The following ANO6 variants were observed in gnomAD, a reference collection of about 807,000 sequenced individuals.
ANO6 encodes anoctamin-6.
Under a neutral mutation model 117.5 loss-of-function variants are expected in ANO6, and 106 were observed. The ratio of observed to expected loss-of-function variants is 0.90; its 90% CI spans 0.77 to 1.06. ANO6 has a LOEUF of 1.06. Ranked by LOEUF, ANO6 falls within the 50% of genes least tolerant of loss-of-function variation. The pLI, the probability that ANO6 is intolerant of heterozygous loss-of-function variation, is 0.00. For missense variants in ANO6, 955 were observed against 1,121.1 expected, an observed-to-expected ratio of 0.85 and a Z score of 2.12; for synonymous variants, 367 against 385.1, an observed-to-expected ratio of 0.95 and a Z score of 0.55.
chr12:45,290,895 C>T (rs1295276604), intron 1 of ANO6, among the ~76,000 whole-genome samples: 1 of 151,998 alleles, frequency 6.6e-6, no homozygotes, highest in African/African-American at 2.4e-5. Flanking sequence ...AACTTAATGA[C>T]AAAGCTACAG....
intron 1 of ANO6, among the ~76,000 whole-genome samples, chr12:45,222,109 C>T (rs1305840263): frequency 6.6e-6 from 1 of 151,782 alleles, no homozygotes; most frequent in African/African-American, 2.4e-5. Context: ...GTCTCATCTC[C>T]TGACCTCGTG....
At chr12:45,257,376 T>G (rs1464435471) in intron 1 of ANO6, among the ~76,000 whole-genome samples, 1 of 152,092 alleles carries the variant, frequency 6.6e-6, no homozygotes, top group Non-Finnish European at 1.5e-5. Flanking sequence ...GCCACCCCAG[T>G]CTGATGTGCC....
Position 45,409,366 on chromosome 12 carries a change from G to T in ANO6, c.1890G>T (p.Met630Ile). The T allele has an allele frequency of 6.2e-7, 1 of 1,613,954 alleles. No individual in the cohort carries two copies. Among genetic ancestry groups the T allele is most frequent in the Non-Finnish European group, 8.5e-7 (1 of 1,179,902 alleles). The change falls in exon 16 of 20, where the codon ATG becomes ATT. Residue 630 changes from methionine (M) to isoleucine (I), a missense_variant. Transcript: ENST00000320560. ...NIQEVLLPWI[M>I]NLIGRFHRVS... The stretch of plus-strand genomic sequence containing the variant: ...TTGTTCTTTTTGGCAGCTGGATCAT[G>T]AATCTAATTGGGCGATTTCACAGAG...
chr12:45,384,843 G>A (rs1942255605), intron 10 of ANO6, among the ~76,000 whole-genome samples: 1 of 152,164 alleles, frequency 6.6e-6, no homozygotes, highest in African/African-American at 2.4e-5. Context: ...GGCTCAACGT[G>A]GGGTTGCCAC....
At chr12:45,347,963 C>T (rs1941181403) in intron 4 of ANO6, 65 bp from the exon 5 acceptor site, 1 of 1,495,440 alleles carries the variant, frequency 6.7e-7, no homozygotes. Context: ...TAAGAAAAAT[C>T]TATGTGTTTT....
chr12:45,388,064 A>T (rs1424866551), intron 10 of ANO6, 97 bp from the exon 11 acceptor site: 1 of 1,500,898 alleles, frequency 6.7e-7, no homozygotes, highest in East Asian at 2.3e-5. Flanking sequence ...GTGTGAAAAC[A>T]GGCCAGTACA....
chr12:45,359,866 G>T (rs1351468652), intron 8 of ANO6, among the ~76,000 whole-genome samples: 1 of 152,186 alleles, frequency 6.6e-6, no homozygotes, highest in Non-Finnish European at 1.5e-5. Context: ...AACTGTCATA[G>T]TATTTTCCAA....
At chr12:45,228,869 C>A (rs1483660698) in intron 1 of ANO6, among the ~76,000 whole-genome samples, 1 of 152,068 alleles carries the variant, frequency 6.6e-6, no homozygotes, top group Non-Finnish European at 1.5e-5. Context: ...TAAGAATCTT[C>A]TAAAATTGGA....
intron 1 of ANO6, among the ~76,000 whole-genome samples, chr12:45,263,642 C>T (rs867504334): frequency 2.0e-5 from 3 of 152,110 alleles, no homozygotes; most frequent in African/African-American, 7.2e-5. Context: ...GTGTGTACAA[C>T]TTGCCTCTGG....
At chr12:45,364,809 C>T (rs1048741596) in intron 8 of ANO6, among the ~76,000 whole-genome samples, 1 of 152,140 alleles carries the variant, frequency 6.6e-6, no homozygotes, top group Admixed American at 6.5e-5. Flanking sequence ...GCTTTTTCCT[C>T]TCTGTGTTAG....
intron 19 of ANO6, 150 bp from the exon 20 acceptor site, chr12:45,428,955 T>C (rs1047161683): frequency 3.8e-5 from 33 of 859,778 alleles, no homozygotes; most frequent in Non-Finnish European, 6.1e-5. Flanking sequence ...CACTGTTGAT[T>C]AGACACAATG....
intron 2 of ANO6, among the ~76,000 whole-genome samples, chr12:45,330,675 T>C (rs559226707): frequency 6.6e-6 from 1 of 152,256 alleles, no homozygotes; most frequent in East Asian, 1.9e-4. Flanking sequence ...GCTGGTTCTT[T>C]TGGTTTTTTA....
rs749999125 is a variant in ANO6 at position 45,302,043 on chromosome 12, C to A, written c.100C>A (p.Pro34Thr). 6.2e-7 allele frequency: 1 copy of A among 1,613,854 alleles called. No individual in the cohort carries two copies. The highest frequency in any genetic ancestry group is 2.2e-5 in the East Asian group (1 of 44,864). ...GGAAAACCTTGGACAGACAATTGTC[C>A]CCGATTTGGGATCACTGGAAAGTCA... ...VLENLGQTIV[P>T]DLGSLESQHD... Residue 34 changes from proline (P) to threonine (T), a missense_variant, in exon 2 of 20, where the codon CCC becomes ACC. Coordinates refer to ENST00000320560, the MANE Select transcript of ANO6 (RefSeq NM_001025356.3).
chr12:45,421,417 C>T, intron 18 of ANO6, 144 bp downstream of exon 18: 1 of 867,460 alleles, frequency 1.2e-6, no homozygotes, highest in South Asian at 1.5e-5. Context: ...TCATTTAAAT[C>T]AAGCTGCTAG....
Position 45,216,203 on chromosome 12 carries a change from T to G in ANO6, c.-119T>G. The stretch of plus-strand genomic sequence containing the variant: ...GGCGCTGGCTGGGCTCAGCGGCCCC[T>G]GAGCCCAAGCGACACACGCCCCGCG... On this transcript the variant is annotated 5_prime_UTR_variant, in exon 1 of 20. Transcript: ENST00000320560. 1 of 1,198,640 alleles carries G rather than the reference T, an allele frequency of 8.3e-7. No individual in the cohort carries two copies. 74.3% of individuals were successfully genotyped at this position (1,198,640 alleles called of 1,614,324 possible). A position where few individuals can be genotyped will look rare whatever the true frequency, so the allele number is the denominator to read the frequency against.
chr12:45,339,734 A>G (rs1940926951), intron 3 of ANO6, among the ~76,000 whole-genome samples: 1 of 152,112 alleles, frequency 6.6e-6, no homozygotes, highest in Admixed American at 6.6e-5. Context: ...GGGAGAACTA[A>G]TAAATAGCAC....
intron 2 of ANO6, among the ~76,000 whole-genome samples, chr12:45,319,914 T>G (rs1257191997): frequency 3.9e-5 from 6 of 152,220 alleles, no homozygotes; most frequent in African/African-American, 1.2e-4. Context: ...TAGAAGTGTT[T>G]GTAGTATTCT....
chr12:45,336,674 G>A (rs937716040), intron 3 of ANO6, among the ~76,000 whole-genome samples: 1 of 151,872 alleles, frequency 6.6e-6, no homozygotes, highest in South Asian at 2.1e-4. Flanking sequence ...AGTACCGAAC[G>A]CTTGTTAATG....
At chr12:45,276,393 C>G (rs115684675) in intron 1 of ANO6, among the ~76,000 whole-genome samples, 1 of 152,316 alleles carries the variant, frequency 6.6e-6, no homozygotes, top group African/African-American at 2.4e-5. Flanking sequence ...CCCAGCCTCT[C>G]ATGTCTTCAC....
Sources: gnomAD v4.1 joint callset for allele counts (sites outside exome capture counted in the v4.1 genomes callset) on GRCh38, gnomAD v4.1.1 for gene constraint, MANE v1.5 for transcripts, NCBI Gene and HGNC (gene_info 2026-07-23, HGNC 2026-07-21) for gene names.